Variants in STAP1 observed in about 807,000 individuals in gnomAD.
STAP1 encodes the protein signal-transducing adaptor protein 1.
In STAP1, 30 loss-of-function variants were observed where a neutral mutation model predicts 37.8. The ratio of observed to expected loss-of-function variants is 0.79; its 90% CI spans 0.59 to 1.08. The LOEUF is 1.08. Among genes scored for constraint, STAP1 ranks in the 50% least tolerant of loss-of-function variants. STAP1 has a pLI of 0.00. For missense variants in STAP1, 357 were observed against 349.4 expected, an observed-to-expected ratio of 1.02 and a Z score of -0.17; for synonymous variants, 130 against 116.0, an observed-to-expected ratio of 1.12 and a Z score of -0.78.
chr4:67,577,590 T>G (rs17088473), intron 4 of STAP1, among the ~76,000 whole-genome samples: 39,381 of 151,614 alleles, frequency 0.26, 5,346 homozygotes, highest in Admixed American at 0.35. Flanking sequence ...TTCTGATATT[T>G]GTAGCTAATA....
At chr4:67,581,222 A>G in intron 4 of STAP1, 83 bp from the exon 5 acceptor site, 1 of 1,337,188 alleles carries the variant, frequency 7.5e-7, no homozygotes, top group Non-Finnish European at 1.0e-6. Flanking sequence ...GTAGCCCTAT[A>G]GGACCAGAAC....
chr4:67,601,081 A>AT (rs1168188189), intron 8 of STAP1, among the ~76,000 whole-genome samples: 1 of 150,860 alleles, frequency 6.6e-6, no homozygotes, highest in Admixed American at 6.6e-5. Flanking sequence ...TGTGAAGGTG[A>AT]TTTTCTCTGG....
At chr4:67,600,750 C>A (rs1413139920) in intron 8 of STAP1, among the ~76,000 whole-genome samples, 1 of 152,060 alleles carries the variant, frequency 6.6e-6, no homozygotes, top group Non-Finnish European at 1.5e-5. Flanking sequence ...AATGACCTTT[C>A]TTTTTATAAT....
chr4:67,597,269 T>A (rs1728246690), intron 8 of STAP1, among the ~76,000 whole-genome samples: 1 of 152,186 alleles, frequency 6.6e-6, no homozygotes, highest in Non-Finnish European at 1.5e-5. Flanking sequence ...GTGTTGAGCC[T>A]GCAGGTGTGC....
chr4:67,566,434 G>A (rs1222256193), intron 1 of STAP1, among the ~76,000 whole-genome samples: 2 of 152,090 alleles, frequency 1.3e-5, no homozygotes, highest in East Asian at 1.9e-4. Context: ...CTCCAGATTT[G>A]GGTAGCCTTG....
intron 1 of STAP1, among the ~76,000 whole-genome samples, chr4:67,560,180 G>A (rs1355668857): frequency 6.6e-6 from 1 of 152,028 alleles, no homozygotes; most frequent in Non-Finnish European, 1.5e-5. Context: ...AATGCTTAAA[G>A]AAGACATGTC....
intron 8 of STAP1, among the ~76,000 whole-genome samples, chr4:67,602,605 T>G (rs1458722160): frequency 2.0e-5 from 3 of 152,188 alleles, no homozygotes; most frequent in African/African-American, 7.2e-5. Context: ...TGAAGACTTG[T>G]AGAGTACTGC....
intron 1 of STAP1, among the ~76,000 whole-genome samples, chr4:67,565,469 C>T (rs1425249683): frequency 6.6e-6 from 1 of 152,164 alleles, no homozygotes; most frequent in South Asian, 2.1e-4. Context: ...TGCTATCACA[C>T]CCACACATAC....
intron 4 of STAP1, among the ~76,000 whole-genome samples, chr4:67,579,336 T>C (rs1185364271): frequency 6.6e-6 from 1 of 152,232 alleles, no homozygotes; most frequent in Non-Finnish European, 1.5e-5. Flanking sequence ...ACATTGCTTT[T>C]GAATCAAATA....
intron 8 of STAP1, among the ~76,000 whole-genome samples, chr4:67,599,943 A>AT (rs1205818466): frequency 1.3e-5 from 2 of 151,890 alleles, no homozygotes; most frequent in Non-Finnish European, 2.9e-5. Flanking sequence ...TGCCTGGCTT[A>AT]TTTTTTCAAA....
chr4:67,589,336 T>C (rs1321244982), intron 6 of STAP1, among the ~76,000 whole-genome samples: 1 of 152,182 alleles, frequency 6.6e-6, no homozygotes, highest in Non-Finnish European at 1.5e-5. Context: ...GGAAAAGGGT[T>C]GGTTGGGTTT....
intron 6 of STAP1, among the ~76,000 whole-genome samples, chr4:67,589,131 T>G (rs985712984): frequency 6.6e-5 from 10 of 152,218 alleles, no homozygotes; most frequent in South Asian, 4.1e-4. Context: ...AATACAGGAA[T>G]TGTAATTGAA....
intron 8 of STAP1, among the ~76,000 whole-genome samples, chr4:67,603,418 TCTTCC>T (rs1465595509): frequency 6.6e-6 from 1 of 152,164 alleles, no homozygotes; most frequent in Non-Finnish European, 1.5e-5. Context: ...TCTCCTTTAC[TCTTCC>T]CTTTCCTTTC....
At chr4:67,573,060 A>G (rs1727640913) in intron 2 of STAP1, among the ~76,000 whole-genome samples, 1 of 152,258 alleles carries the variant, frequency 6.6e-6, no homozygotes. Context: ...GCACTGGGAT[A>G]GACAAGGTGA....
rs116077920 is a variant in STAP1, at chr4:67,591,062, A to G, written c.729+109A>G. On this transcript the variant is annotated intron_variant, in intron 7 of 8. Coordinates refer to ENST00000265404, the MANE Select transcript of STAP1 (RefSeq NM_012108.4). Reference sequence around the variant, plus strand: ...AAGGAGCCCTGAATGTGGCAGATATACAAGGTGAAAAGTGAGATTCAGGAA... The same window carrying G: ...AAGGAGCCCTGAATGTGGCAGATATGCAAGGTGAAAAGTGAGATTCAGGAA... The G allele has an allele frequency of 1.7e-3, 979 of 590,322 alleles. 8 individuals carry two copies. In the African/African-American group the frequency reaches 0.018, roughly 11 times the overall value. 36.6% of individuals were successfully genotyped at this position (590,322 alleles called of 1,614,324 possible).
chr4:67,572,675 C>T (rs190711707), intron 2 of STAP1, among the ~76,000 whole-genome samples: 3 of 152,134 alleles, frequency 2.0e-5, no homozygotes, highest in African/African-American at 7.2e-5. Flanking sequence ...AATAGTAGTC[C>T]ATTTTATAAG....
Position 67,558,807 on chromosome 4 carries a change from G to T in STAP1, c.-3G>T, listed in dbSNP as rs754366204. ...AACCAAACCACACACCAAAGAGAGGGGTATGATGGCTAAGAAGCCCCCAAA... is the reference window on the plus strand; with the variant it reads ...AACCAAACCACACACCAAAGAGAGGTGTATGATGGCTAAGAAGCCCCCAAA... On this transcript the variant is annotated 5_prime_UTR_variant, in exon 1 of 9. Coordinates refer to ENST00000265404, the MANE Select transcript of STAP1 (RefSeq NM_012108.4). The T allele has an allele frequency of 3.1e-6, 5 of 1,612,094 alleles. No individual in the cohort carries two copies. Among genetic ancestry groups the T allele is most frequent in the Non-Finnish European group, 4.2e-6 (5 of 1,179,102 alleles).
chr4:67,583,886 C>T (rs753691927), intron 6 of STAP1, among the ~76,000 whole-genome samples, 184 bp downstream of exon 6: 1 of 152,040 alleles, frequency 6.6e-6, no homozygotes, highest in Non-Finnish European at 1.5e-5. Flanking sequence ...ATCACAAGGT[C>T]AGGATATCGA....
rs1324753676 is a variant in STAP1 at position 67,581,325 on chromosome 4, G to A, written c.384G>A (p.Val128=). ...TTCAGCTGTCAGTTCCCCAAAACGT[G>A]TCACTCCTACCTGGGCAAGTAATTA... ...TVTELSVPQN[V]SLLPGQVIKL... Residue 128 remains valine (V), a synonymous_variant, in exon 5 of 9, where the codon GTG becomes GTA. Coordinates refer to ENST00000265404, the MANE Select transcript of STAP1 (RefSeq NM_012108.4). The A allele has an allele frequency of 4.3e-6, 7 of 1,612,436 alleles. 1 individual carries two copies. The highest frequency in any genetic ancestry group is 5.1e-6 in the Non-Finnish European group (6 of 1,179,508).
Sources: allele counts gnomAD v4.1 joint callset (sites outside exome capture counted in the v4.1 genomes callset), GRCh38; gene constraint gnomAD v4.1.1; transcripts MANE v1.5; gene names NCBI Gene and HGNC (gene_info 2026-07-23, HGNC 2026-07-21).